The following VAV3 variants were observed in gnomAD, a reference collection of about 807,000 sequenced individuals.
The protein encoded by VAV3 is guanine nucleotide exchange factor VAV3.
In VAV3, 94 loss-of-function variants were observed where a neutral mutation model predicts 131.2. The observed-to-expected ratio is 0.72, with a 90% confidence interval of 0.61 to 0.85. The LOEUF is 0.85. Ranked by LOEUF, VAV3 falls within the 40% of genes least tolerant of loss-of-function variation. The pLI is 0.00. For missense variants in VAV3, 939 were observed against 1,002.7 expected, an observed-to-expected ratio of 0.94 and a Z score of 0.86; for synonymous variants, 349 against 342.0, an observed-to-expected ratio of 1.02 and a Z score of -0.22.
chr1:107,954,416 T>C (rs1674698544), intron 1 of VAV3, among the ~76,000 whole-genome samples: 1 of 152,168 alleles, frequency 6.6e-6, no homozygotes, highest in South Asian at 2.1e-4. Flanking sequence ...CTTTCCTTAG[T>C]TTTCCTGATT....
chr1:107,638,433 A>G (rs911738536), intron 20 of VAV3, among the ~76,000 whole-genome samples: 2 of 152,246 alleles, frequency 1.3e-5, no homozygotes, highest in African/African-American at 4.8e-5. Context: ...CATTTATAAT[A>G]GCATCAAAAT....
At chr1:107,865,839 C>T (rs1004481278) in intron 2 of VAV3, among the ~76,000 whole-genome samples, 4 of 152,172 alleles carry the variant, frequency 2.6e-5, no homozygotes, top group African/African-American at 9.7e-5. Context: ...AAGCCACTTC[C>T]TGATGGTCCA....
intron 3 of VAV3, among the ~76,000 whole-genome samples, chr1:107,779,116 G>A (rs577097371): frequency 6.6e-6 from 1 of 150,894 alleles, no homozygotes; most frequent in East Asian, 1.9e-4. Context: ...ATTTACTTAA[G>A]CATTTGTGTT....
At chr1:107,702,623 G>C (rs1660201353) in intron 17 of VAV3, among the ~76,000 whole-genome samples, 1 of 144,944 alleles carries the variant, frequency 6.9e-6, no homozygotes, top group South Asian at 2.1e-4. Flanking sequence ...GACTAGACTA[G>C]GAATTTTCAA....
chr1:107,590,569 T>A (rs1179579902), intron 25 of VAV3, among the ~76,000 whole-genome samples: 1 of 152,210 alleles, frequency 6.6e-6, no homozygotes. Flanking sequence ...GCCAGCTGCA[T>A]CCTGAACCAT....
intron 20 of VAV3, among the ~76,000 whole-genome samples, chr1:107,621,591 T>C (rs528617348): frequency 6.6e-6 from 1 of 152,254 alleles, no homozygotes; most frequent in Non-Finnish European, 1.5e-5. Context: ...TGTGATGATA[T>C]GAGGTTTTTA....
At chr1:107,859,435 C>A (rs1267202287) in intron 2 of VAV3, among the ~76,000 whole-genome samples, 1 of 152,122 alleles carries the variant, frequency 6.6e-6, no homozygotes, top group Non-Finnish European at 1.5e-5. Flanking sequence ...AGAGTACATT[C>A]CTTGTATTTA....
intron 15 of VAV3, among the ~76,000 whole-genome samples, chr1:107,709,971 A>T (rs1249650419): frequency 1.3e-5 from 2 of 152,262 alleles, no homozygotes; most frequent in African/African-American, 4.8e-5. Context: ...GTACTCATAC[A>T]TATATTTCAG....
intron 2 of VAV3, among the ~76,000 whole-genome samples, chr1:107,828,465 A>G (rs1216405630): frequency 6.6e-6 from 1 of 152,190 alleles, no homozygotes; most frequent in African/African-American, 2.4e-5. Context: ...CAGAAAATCA[A>G]CATGCATCTC....
intron 23 of VAV3, among the ~76,000 whole-genome samples, chr1:107,602,792 C>G (rs1256908061): frequency 6.6e-6 from 1 of 152,016 alleles, no homozygotes; most frequent in Non-Finnish European, 1.5e-5. Flanking sequence ...TTAGTATTTA[C>G]TAGAAATATA....
intron 21 of VAV3, among the ~76,000 whole-genome samples, chr1:107,616,230 A>C (rs1048688622): frequency 6.6e-6 from 1 of 152,208 alleles, no homozygotes; most frequent in African/African-American, 2.4e-5. Context: ...AATATGGTAC[A>C]TATACACCAT....
chr1:107,737,378 T>G (rs1468854747), intron 15 of VAV3, among the ~76,000 whole-genome samples: 3 of 152,138 alleles, frequency 2.0e-5, no homozygotes, highest in African/African-American at 7.2e-5. Context: ...ACTAAAGAGC[T>G]TCTGCACAGC....
At chr1:107,707,211 T>C (rs184577364) in intron 15 of VAV3, among the ~76,000 whole-genome samples, 340 of 152,316 alleles carry the variant, frequency 2.2e-3, no homozygotes, top group East Asian at 8.1e-3. Flanking sequence ...ATTTTTAAAA[T>C]CTAGAATCAA....
intron 20 of VAV3, among the ~76,000 whole-genome samples, chr1:107,632,841 C>A (rs141419053): frequency 6.6e-6 from 1 of 152,198 alleles, no homozygotes; most frequent in Non-Finnish European, 1.5e-5. Flanking sequence ...CTAATCATTA[C>A]ATATACCCCA....
chr1:107,576,266 G>T, intron 25 of VAV3: 1 of 712,212 alleles, frequency 1.4e-6, no homozygotes, highest in East Asian at 3.0e-5. Flanking sequence ...GTGCATGGTG[G>T]TAATGGAACT....
chr1:107,944,599 G>A (rs1447054225), intron 1 of VAV3, among the ~76,000 whole-genome samples: 1 of 152,066 alleles, frequency 6.6e-6, no homozygotes, highest in Non-Finnish European at 1.5e-5. Flanking sequence ...ACAAAACGCA[G>A]TTTTTTGTTT....
At chr1:107,645,882 C>T (rs1655703224) in intron 19 of VAV3, among the ~76,000 whole-genome samples, 2 of 151,990 alleles carry the variant, frequency 1.3e-5, no homozygotes, top group African/African-American at 4.8e-5. Flanking sequence ...TTAAAAATGT[C>T]CAGGGCAGAA....
At chr1:107,764,746 A>C (rs1044306579) in intron 9 of VAV3, among the ~76,000 whole-genome samples, 8 of 152,204 alleles carry the variant, frequency 5.3e-5, no homozygotes, top group African/African-American at 1.7e-4. Flanking sequence ...CTCGTCCTGC[A>C]CTTCTTACTA....
intron 20 of VAV3, among the ~76,000 whole-genome samples, chr1:107,642,067 A>T (rs1179220931): frequency 6.6e-6 from 1 of 152,180 alleles, no homozygotes; most frequent in Non-Finnish European, 1.5e-5. Context: ...TGTAATTCGG[A>T]TAGTGTCAGA....
Sources: allele counts gnomAD v4.1 joint callset (sites outside exome capture counted in the v4.1 genomes callset), GRCh38; gene constraint gnomAD v4.1.1; transcripts MANE v1.5; gene names NCBI Gene and HGNC (gene_info 2026-07-23, HGNC 2026-07-21).